Variants in RALGPS2 observed in about 807,000 individuals in gnomAD.
The protein encoded by RALGPS2 is ras-specific guanine nucleotide-releasing factor RalGPS2.
RALGPS2 carries 43 observed loss-of-function variants against 86.8 expected under a neutral mutation model. The ratio of observed to expected loss-of-function variants is 0.50; its 90% CI spans 0.39 to 0.64. The LOEUF (loss-of-function observed/expected upper bound fraction) is 0.64, where lower values mean the gene tolerates loss of function less well. RALGPS2 is among the 30% of genes least tolerant of loss of function. The probability of loss-of-function intolerance (pLI) is 0.00; values close to 1 mark genes in which losing one functional copy is unlikely to be tolerated. For synonymous variants in RALGPS2, 243 were observed against 231.3 expected (o/e 1.05, Z -0.46); for missense variants, 536 against 694.6 (o/e 0.77, Z 2.57).
chr1:178,747,275 G>T, intron 1 of RALGPS2: 1 of 1,515,166 alleles, frequency 6.6e-7, no homozygotes, highest in Non-Finnish European at 9.2e-7. Flanking sequence ...ATTGAGAAAT[G>T]AAGCTGGTGA....
At chr1:178,855,572 G>A (rs1381125849) in intron 8 of RALGPS2, among the ~76,000 whole-genome samples, 1 of 151,788 alleles carries the variant, frequency 6.6e-6, no homozygotes, top group Non-Finnish European at 1.5e-5. Flanking sequence ...TGTCTTTCCT[G>A]CGTTATATTT....
At chr1:178,791,002 A>C (rs1349804712) in intron 4 of RALGPS2, among the ~76,000 whole-genome samples, 3 of 152,222 alleles carry the variant, frequency 2.0e-5, no homozygotes, top group Non-Finnish European at 2.9e-5. Context: ...TATAACTAGT[A>C]AATTAATTTT....
intron 6 of RALGPS2, among the ~76,000 whole-genome samples, chr1:178,819,745 G>A (rs1390487323): frequency 2.6e-5 from 4 of 152,178 alleles, no homozygotes; most frequent in African/African-American, 9.7e-5. Context: ...AGGTCAAGGT[G>A]TCTAATTTAC....
intron 4 of RALGPS2, among the ~76,000 whole-genome samples, chr1:178,805,148 GT>G (rs1167565445): frequency 2.7e-5 from 4 of 150,406 alleles, no homozygotes; most frequent in Non-Finnish European, 5.9e-5. Flanking sequence ...TTGTAAATTT[GT>G]TTGAGTTCAT....
intron 8 of RALGPS2, among the ~76,000 whole-genome samples, chr1:178,858,485 A>G (rs1172855081): frequency 6.6e-6 from 1 of 152,182 alleles, no homozygotes; most frequent in African/African-American, 2.4e-5. Context: ...TTTGTTCATG[A>G]TGATTCAAAA....
chr1:178,834,939 A>C (rs1003012801), intron 8 of RALGPS2, among the ~76,000 whole-genome samples: 2 of 152,062 alleles, frequency 1.3e-5, no homozygotes, highest in African/African-American at 4.8e-5. Context: ...CACCACGCCC[A>C]GCTAATTTTT....
At chr1:178,752,269 G>A (rs1651720024) in intron 1 of RALGPS2, among the ~76,000 whole-genome samples, 1 of 151,588 alleles carries the variant, frequency 6.6e-6, no homozygotes, top group African/African-American at 2.4e-5. Flanking sequence ...TCAAGTAGCT[G>A]GGACTATGGG....
chr1:178,866,350 A>G (rs1658409229), intron 8 of RALGPS2, among the ~76,000 whole-genome samples: 1 of 152,210 alleles, frequency 6.6e-6, no homozygotes, highest in East Asian at 1.9e-4. Context: ...AATGTTCAAT[A>G]AAGTTAAAGA....
At chr1:178,892,130 T>A in intron 14 of RALGPS2, 100 bp from the exon 15 acceptor site, 1 of 1,039,420 alleles carries the variant, frequency 9.6e-7, no homozygotes, top group Non-Finnish European at 1.4e-6. Context: ...TTTAGAAAGC[T>A]ATATTACAAG....
At chr1:178,865,056 T>G in intron 8 of RALGPS2, 2 of 1,514,942 alleles carry the variant, frequency 1.3e-6, no homozygotes, top group African/African-American at 2.8e-5. Context: ...CCTGGATCCC[T>G]CTGAATCTCG....
chr1:178,913,425 C>T (rs894390093), intron 19 of RALGPS2, among the ~76,000 whole-genome samples: 5 of 152,106 alleles, frequency 3.3e-5, no homozygotes, highest in Non-Finnish European at 5.9e-5. Context: ...AACTGGGTTT[C>T]ACTTTTTCCT....
chr1:178,741,920 G>A (rs2102023078), intron 1 of RALGPS2, among the ~76,000 whole-genome samples: 1 of 152,040 alleles, frequency 6.6e-6, no homozygotes, highest in Admixed American at 6.6e-5. Context: ...GGAGGATCAT[G>A]AGGTCAGGAG....
In RALGPS2 at chr1:178,917,565, A is replaced by G. The variant is rs1349039073; in HGVS notation, c.*1206A>G. On this transcript the variant is annotated 3_prime_UTR_variant, in exon 20 of 20. Coordinates refer to ENST00000367635, the MANE Select transcript of RALGPS2 (RefSeq NM_152663.5). ...TTAAGTATCTAAACTTTATACTTGT[A>G]TGATTTACCATAAACATACCAAAAC... is the stretch of plus-strand genomic sequence containing the variant. 6.6e-6 allele frequency: 1 copy of G among 152,178 alleles called. No homozygotes were observed. Among genetic ancestry groups the G allele is most frequent in the East Asian group, 1.9e-4 (1 of 5,202 alleles). 9.4% of individuals were successfully genotyped at this position (152,178 alleles called of 1,614,324 possible). A position where few individuals can be genotyped will look rare whatever the true frequency, so the allele number is the denominator to read the frequency against.
chr1:178,836,803 C>T (rs1031049684), intron 8 of RALGPS2, among the ~76,000 whole-genome samples: 3 of 151,838 alleles, frequency 2.0e-5, no homozygotes, highest in Non-Finnish European at 4.4e-5. Context: ...TTTTCAGAGA[C>T]AGGGTCTCAC....
chr1:178,744,973 A>G (rs1651234576), intron 1 of RALGPS2, among the ~76,000 whole-genome samples: 1 of 152,246 alleles, frequency 6.6e-6, no homozygotes, highest in South Asian at 2.1e-4. Flanking sequence ...TGTGGATTAC[A>G]GAATCAGTCT....
chr1:178,815,080 T>A (rs1001752918), intron 6 of RALGPS2, among the ~76,000 whole-genome samples: 13 of 152,016 alleles, frequency 8.6e-5, no homozygotes, highest in South Asian at 4.2e-4. Flanking sequence ...GTTTGTTTGT[T>A]TTTATTTATT....
At chr1:178,758,167 C>T (rs953650661) in intron 1 of RALGPS2, among the ~76,000 whole-genome samples, 2 of 151,972 alleles carry the variant, frequency 1.3e-5, no homozygotes. Context: ...TTATTTGGAT[C>T]TCCTTTCTTC....
intron 8 of RALGPS2, among the ~76,000 whole-genome samples, chr1:178,856,194 G>GATAT (rs776840814): frequency 2.9e-4 from 29 of 99,170 alleles, no homozygotes; most frequent in South Asian, 2.3e-3. Flanking sequence ...CTTTTCCAGA[G>GATAT]AGAGAGAGAT....
At chr1:178,753,430 T>C (rs559325632) in intron 1 of RALGPS2, among the ~76,000 whole-genome samples, 23 of 152,234 alleles carry the variant, frequency 1.5e-4, no homozygotes, top group African/African-American at 5.5e-4. Context: ...CTCTAAAATA[T>C]CTTCCATCTC....
Sources: gnomAD v4.1 joint callset for allele counts (sites outside exome capture counted in the v4.1 genomes callset) on GRCh38, gnomAD v4.1.1 for gene constraint, MANE v1.5 for transcripts, NCBI Gene and HGNC (gene_info 2026-07-23, HGNC 2026-07-21) for gene names.